The following SDK1 variants were observed in gnomAD, a reference collection of about 807,000 sequenced individuals.
SDK1 encodes the protein sidekick cell adhesion molecule 1.
SDK1 carries 157 observed loss-of-function variants against 245.5 expected under a neutral mutation model. The observed-to-expected ratio is 0.64, with a 90% confidence interval of 0.56 to 0.73. The LOEUF (loss-of-function observed/expected upper bound fraction) is 0.73. Ranked by LOEUF, SDK1 falls within the 30% of genes least tolerant of loss-of-function variation. The probability of loss-of-function intolerance (pLI) is 0.00; values close to 1 mark genes in which losing one functional copy is unlikely to be tolerated. For synonymous variants in SDK1, 1,647 were observed against 1,278.5 expected (o/e 1.29, Z -6.15); for missense variants, 3,583 against 3,002.3 (o/e 1.19, Z -4.52).
intron 4 of SDK1, among the ~76,000 whole-genome samples, chr7:3,820,539 C>G (rs922715121): frequency 6.6e-6 from 1 of 152,210 alleles, no homozygotes; most frequent in Non-Finnish European, 1.5e-5. Context: ...CCATAAAACA[C>G]CCATTTCAAA....
At chr7:4,232,907 G>C (rs1469970821) in intron 40 of SDK1, 1 of 171,356 alleles carries the variant, frequency 5.8e-6, no homozygotes, top group African/African-American at 2.4e-5. Flanking sequence ...CTTTAATTTT[G>C]AGTTTATTCA....
intron 1 of SDK1, among the ~76,000 whole-genome samples, chr7:3,376,596 A>G (rs1334308919): frequency 1.3e-5 from 2 of 152,220 alleles, no homozygotes; most frequent in Non-Finnish European, 2.9e-5. Context: ...GAGGTGAAAA[A>G]GACCGACAAG....
rs2115054027 is a variant in SDK1, at chr7:3,816,538, TA to T, written c.714-4909del. Among the ~76,000 whole-genome samples, 2 of 151,546 alleles carry T rather than the reference TA, an allele frequency of 1.3e-5. 1 individual carries two copies. Among genetic ancestry groups the T allele is most frequent in the South Asian group, 4.2e-4 (2 of 4,796 alleles). On this transcript the variant is annotated intron_variant, in intron 4 of 44. Coordinates refer to ENST00000404826, the MANE Select transcript of SDK1 (RefSeq NM_152744.4). ...CTTGACACATACACTCTCCCAAGACTAAACCAGGAAGAAGTTGAATCTCTGA... is the reference window on the plus strand; with the variant it reads ...CTTGACACATACACTCTCCCAAGACTAACCAGGAAGAAGTTGAATCTCTGA...
At chr7:4,019,662 C>T (rs1304618908) in intron 17 of SDK1, among the ~76,000 whole-genome samples, 1 of 151,874 alleles carries the variant, frequency 6.6e-6, no homozygotes, top group Non-Finnish European at 1.5e-5. Flanking sequence ...GCTGCACGTG[C>T]AGTTTCCCAT....
rs1312591892 is a variant in SDK1, at chr7:4,113,365, G to T, written c.3511G>T (p.Ala1171Ser). ...TTCCCGGGTCATCCAGACCCTGCAG[G>T]CCCCACCCGACGTGGCTCCAACCAG... is the stretch of plus-strand genomic sequence containing the variant. The part of the protein sequence containing the change: ...PSSRVIQTLQ[A>S]PPDVAPTSVT... The change falls in exon 24 of 45, where the codon GCC becomes TCC. Residue 1171 changes from alanine (A) to serine (S), a missense_variant. By Grantham distance (99) the Ala-to-Ser change is moderately conservative. Transcript: ENST00000404826. 1 of 1,613,898 alleles carries T rather than the reference G, an allele frequency of 6.2e-7. No individual in the cohort carries two copies. Among genetic ancestry groups the T allele is most frequent in the Admixed American group, 1.7e-5 (1 of 60,026 alleles).
intron 13 of SDK1, among the ~76,000 whole-genome samples, chr7:3,978,161 A>G (rs1271404644): frequency 6.6e-6 from 1 of 151,816 alleles, no homozygotes; most frequent in African/African-American, 2.4e-5. Flanking sequence ...TATTATGCAC[A>G]TTTTTAAAGC....
In SDK1 at chr7:3,848,725, G is replaced by T. The variant is rs568511398; in HGVS notation, c.847+27142G>T. Among the ~76,000 whole-genome samples, 3 of 151,852 alleles carry T rather than the reference G, an allele frequency of 2.0e-5. No individual in the cohort carries two copies. In the East Asian group the frequency reaches 5.8e-4, roughly 29 times the overall value. On this transcript the variant is annotated intron_variant, in intron 5 of 44. Transcript: ENST00000404826. ...TTGCTCTTGTCACTCAGGCTGGAGT[G>T]CAGTGGCGCGATCACGGCTCACTGC...
intron 4 of SDK1, among the ~76,000 whole-genome samples, chr7:3,716,440 GCAAAAATAT>G (rs897225123): frequency 6.6e-6 from 1 of 152,136 alleles, no homozygotes; most frequent in African/African-American, 2.4e-5. Context: ...TCTGTATTTG[GCAAAAATAT>G]CATTCAAGTA....
In SDK1 at chr7:4,265,338, G is replaced by A. The variant is rs531249642; in HGVS notation, c.6596G>A (p.Gly2199Asp). The change falls in exon 45 of 45, where the codon GGC becomes GAC. Residue 2199 changes from glycine to aspartate, a missense_variant. Coordinates refer to ENST00000404826, the MANE Select transcript of SDK1 (RefSeq NM_152744.4). The part of the protein sequence containing the change: ...QSAGGVYTPA[G>D]PGARTPLTGF... ...GCGGGCGGCGTCTACACCCCCGCTG[G>A]CCCCGGCGCGCGAACTCCGCTCACC... 2.0e-4 allele frequency: 288 copies of A among 1,469,816 alleles called. No homozygotes were observed. In the East Asian group the frequency reaches 6.9e-3, roughly 35 times the overall value. 91.0% of individuals were successfully genotyped at this position (1,469,816 alleles called of 1,614,324 possible).
intron 5 of SDK1, among the ~76,000 whole-genome samples, chr7:3,941,604 T>C (rs1399623742): frequency 6.6e-6 from 1 of 152,208 alleles, no homozygotes; most frequent in African/African-American, 2.4e-5. Context: ...GCTCAAACCT[T>C]TCCCAATTTC....
At chr7:3,686,709 G>C (rs1328802382) in intron 4 of SDK1, among the ~76,000 whole-genome samples, 1 of 152,202 alleles carries the variant, frequency 6.6e-6, no homozygotes. Flanking sequence ...AGCTCTGAAG[G>C]AGAAGGCCAG....
At chr7:3,758,935 GAGT>G (rs1780016680) in intron 4 of SDK1, among the ~76,000 whole-genome samples, 1 of 152,154 alleles carries the variant, frequency 6.6e-6, no homozygotes, top group Non-Finnish European at 1.5e-5. Context: ...AAGTATTTCT[GAGT>G]CTAATCCAGT....
intron 11 of SDK1, among the ~76,000 whole-genome samples, chr7:3,970,423 C>T (rs1041813664): frequency 6.6e-6 from 1 of 152,102 alleles, no homozygotes. Flanking sequence ...GCTTTTGTTC[C>T]ATTTGGTGGA....
chr7:3,758,339 G>A (rs1001698203), intron 4 of SDK1, among the ~76,000 whole-genome samples: 1 of 151,798 alleles, frequency 6.6e-6, no homozygotes, highest in African/African-American at 2.4e-5. Flanking sequence ...TTGTTTTTTG[G>A]AATTTTTCTG....
chr7:3,405,958 A>G (rs1189544160), intron 1 of SDK1, among the ~76,000 whole-genome samples: 1 of 151,860 alleles, frequency 6.6e-6, no homozygotes, highest in East Asian at 1.9e-4. Context: ...GATTACAGGC[A>G]TACCTCACTA....
At position 4,234,050 on chromosome 7, in the gene SDK1, G is replaced by A. The variant is rs1033569076; in HGVS notation, c.5992+631G>A. Among the ~76,000 whole-genome samples, 28 of 152,200 alleles carry A rather than the reference G, an allele frequency of 1.8e-4. 1 individual carries two copies. Among genetic ancestry groups the A allele is most frequent in the Non-Finnish European group, 4.4e-5 (3 of 68,040 alleles). On this transcript the variant is annotated intron_variant, in intron 41 of 44. Transcript: ENST00000404826. Reference sequence around the variant, plus strand: ...GACGCATCCTTGCCGAGGAGCATGTGTGATTTTGGAGGGGCAAGAACCACC... The same window carrying A: ...GACGCATCCTTGCCGAGGAGCATGTATGATTTTGGAGGGGCAAGAACCACC...
intron 22 of SDK1, among the ~76,000 whole-genome samples, chr7:4,087,501 A>C (rs560358045): frequency 6.6e-6 from 1 of 151,290 alleles, no homozygotes. Context: ...ACACACACGC[A>C]TTGCTTGACT....
chr7:3,937,098 G>A (rs189867060), intron 5 of SDK1, among the ~76,000 whole-genome samples: 126 of 152,158 alleles, frequency 8.3e-4, no homozygotes, highest in African/African-American at 2.8e-3. Flanking sequence ...CCAGGAGCAC[G>A]GCAGTTCTCA....
At chr7:4,125,205 GGATGGATGGGTAGATGGATA>G (rs1209026467) in intron 25 of SDK1, among the ~76,000 whole-genome samples, 1 of 151,330 alleles carries the variant, frequency 6.6e-6, no homozygotes, top group African/African-American at 2.4e-5. Context: ...ATGGATGGAT[GGATGGATGGGTAGATGGATA>G]GATGGATGAT....
Sources: allele counts gnomAD v4.1 joint callset (sites outside exome capture counted in the v4.1 genomes callset), GRCh38; gene constraint gnomAD v4.1.1; transcripts MANE v1.5; gene names NCBI Gene and HGNC (gene_info 2026-07-23, HGNC 2026-07-21).